PRKN: variants seen among roughly 807,000 people sequenced by gnomAD.
PRKN encodes the protein parkin RBR E3 ubiquitin protein ligase, also known as E3 ubiquitin-protein ligase parkin.
PRKN carries 56 observed loss-of-function variants against 59.5 expected under a neutral mutation model. The ratio of observed to expected loss-of-function variants is 0.94; its 90% CI spans 0.76 to 1.18. The LOEUF (loss-of-function observed/expected upper bound fraction) is 1.18. PRKN is among the 50% of genes most tolerant of loss of function. The pLI is 0.00. For synonymous variants in PRKN, 250 were observed against 222.1 expected (o/e 1.13, Z -1.12); for missense variants, 657 against 596.4 (o/e 1.10, Z -1.06).
At chr6:161,904,451 G>T (rs2128235780) in intron 6 of PRKN, among the ~76,000 whole-genome samples, 1 of 151,796 alleles carries the variant, frequency 6.6e-6, no homozygotes, top group South Asian at 2.1e-4. Context: ...GAGTAGCTGG[G>T]ACCACAGGCG....
chr6:162,339,388 G>T (rs1389498522), intron 2 of PRKN, among the ~76,000 whole-genome samples: 5 of 146,966 alleles, frequency 3.4e-5, no homozygotes, highest in Non-Finnish European at 6.1e-5. Context: ...GGAGGGAGGT[G>T]GGGGGGTCAG....
At chr6:162,243,792 T>C (rs991899800) in intron 3 of PRKN, among the ~76,000 whole-genome samples, 1 of 152,162 alleles carries the variant, frequency 6.6e-6, no homozygotes, top group Non-Finnish European at 1.5e-5. Flanking sequence ...AATTATTCAA[T>C]GCAAATTAGA....
intron 1 of PRKN, among the ~76,000 whole-genome samples, chr6:162,493,209 G>C (rs1271799905): frequency 6.6e-6 from 1 of 152,138 alleles, no homozygotes; most frequent in East Asian, 1.9e-4. Flanking sequence ...TTTATGTAGA[G>C]GAAGAGAGAG....
intron 7 of PRKN, among the ~76,000 whole-genome samples, chr6:161,770,847 G>T (rs764846089): frequency 6.6e-6 from 1 of 151,894 alleles, no homozygotes. Flanking sequence ...CTTAGAAGAC[G>T]AGGAGATGAG....
intron 7 of PRKN, among the ~76,000 whole-genome samples, chr6:161,711,211 T>A (rs573750879): frequency 6.6e-6 from 1 of 152,168 alleles, no homozygotes; most frequent in Non-Finnish European, 1.5e-5. Context: ...ACATTACAGG[T>A]CTGGTTCCTG....
chr6:161,524,764 A>T (rs1778957805), intron 9 of PRKN, among the ~76,000 whole-genome samples: 1 of 152,110 alleles, frequency 6.6e-6, no homozygotes, highest in Non-Finnish European at 1.5e-5. Context: ...TCTGCAAAGG[A>T]GTCTTGATGA....
At position 161,874,596 on chromosome 6, in the gene PRKN, G is replaced by A. The variant is rs1464657785; in HGVS notation, c.735-88688C>T. 1.3e-3 allele frequency among the ~76,000 whole-genome samples: 125 copies of A among 93,454 alleles called. 4 individuals carry two copies. Among genetic ancestry groups the A allele is most frequent in the African/African-American group, 6.4e-3 (120 of 18,734 alleles). The allele number at this position is 93,454 out of a possible 152,430, so 61.3% of individuals were successfully genotyped here. ...ATATTATGTAAAATATATATTGTATGTAAAATATATATTACATATAATATG... is the reference window on the plus strand; with the variant it reads ...ATATTATGTAAAATATATATTGTATATAAAATATATATTACATATAATATG... On this transcript the variant is annotated intron_variant, in intron 6 of 11. Coordinates refer to ENST00000366898, the MANE Select transcript of PRKN (RefSeq NM_004562.3).
chr6:162,048,924 A>G (rs1777504239), intron 5 of PRKN, among the ~76,000 whole-genome samples: 1 of 152,132 alleles, frequency 6.6e-6, no homozygotes. Context: ...TAACGGAGAA[A>G]ATCCTAATTG....
chr6:162,282,218 A>G (rs971157752), intron 2 of PRKN, among the ~76,000 whole-genome samples: 2 of 152,182 alleles, frequency 1.3e-5, no homozygotes, highest in Non-Finnish European at 2.9e-5. Flanking sequence ...TGGATGTTCT[A>G]ATTTACTATG....
At chr6:162,595,445 G>A (rs1055604879) in intron 1 of PRKN, among the ~76,000 whole-genome samples, 1 of 151,696 alleles carries the variant, frequency 6.6e-6, no homozygotes, top group Non-Finnish European at 1.5e-5. Context: ...TAGTAGAGAC[G>A]GGTTTTCTCC....
At chr6:162,288,294 T>G (rs1417312731) in intron 2 of PRKN, among the ~76,000 whole-genome samples, 1 of 152,154 alleles carries the variant, frequency 6.6e-6, no homozygotes, top group African/African-American at 2.4e-5. Flanking sequence ...AAGGTAGCTC[T>G]TGAGTGTCTC....
intron 7 of PRKN, among the ~76,000 whole-genome samples, chr6:161,570,312 A>G (rs1384831160): frequency 4.1e-5 from 6 of 146,996 alleles, no homozygotes; most frequent in African/African-American, 1.5e-4. Context: ...AGAATTATAT[A>G]ATTAATATAA....
intron 7 of PRKN, among the ~76,000 whole-genome samples, chr6:161,608,387 G>C (rs759392198): frequency 2.0e-5 from 3 of 152,184 alleles, no homozygotes; most frequent in Non-Finnish European, 4.4e-5. Context: ...GCTTTTAATA[G>C]AGGAGGTGTG....
chr6:162,411,610 G>T (rs969873229), intron 2 of PRKN, among the ~76,000 whole-genome samples: 3 of 152,042 alleles, frequency 2.0e-5, no homozygotes, highest in African/African-American at 7.2e-5. Flanking sequence ...TGTAAGAAAA[G>T]TTGTATAAAT....
At chr6:162,467,428 C>G (rs1429983598) in intron 1 of PRKN, among the ~76,000 whole-genome samples, 2 of 152,122 alleles carry the variant, frequency 1.3e-5, no homozygotes, top group Non-Finnish European at 2.9e-5. Context: ...CGCTCCTCAT[C>G]CAGCCTCCAC....
At chr6:161,569,256 G>C (rs895531082) in intron 8 of PRKN, 99 bp downstream of exon 8, 1 of 1,033,252 alleles carries the variant, frequency 9.7e-7, no homozygotes, top group Non-Finnish European at 1.5e-6. Context: ...GGGCACCCAG[G>C]GTCAGGAGAC....
intron 1 of PRKN, among the ~76,000 whole-genome samples, chr6:162,500,377 G>T (rs2128187691): frequency 6.6e-6 from 1 of 151,568 alleles, no homozygotes; most frequent in East Asian, 2.0e-4. Flanking sequence ...TTTACATGTT[G>T]GCCAGGCTGG....
At position 161,680,546 on chromosome 6, in the gene PRKN, G is replaced by T. The variant is rs1785278740; in HGVS notation, c.871+105226C>A. Among the ~76,000 whole-genome samples, 3 of 151,692 alleles carry T rather than the reference G, an allele frequency of 2.0e-5. No individual in the cohort carries two copies. In the South Asian group the frequency reaches 6.3e-4, roughly 32 times the overall value. ...AATGAGCATGCTGCTGAATGTTACA[G>T]TCAGTATTAAAATGGCATGTGCTAA... On this transcript the variant is annotated intron_variant, in intron 7 of 11. Coordinates refer to ENST00000366898, the MANE Select transcript of PRKN (RefSeq NM_004562.3).
At chr6:162,555,497 T>C (rs1196882007) in intron 1 of PRKN, among the ~76,000 whole-genome samples, 1 of 152,180 alleles carries the variant, frequency 6.6e-6, no homozygotes, top group Non-Finnish European at 1.5e-5. Context: ...TTCTATTGCT[T>C]TTCATCAGTA....
Sources: gnomAD v4.1 joint callset for allele counts (sites outside exome capture counted in the v4.1 genomes callset) on GRCh38, gnomAD v4.1.1 for gene constraint, MANE v1.5 for transcripts, NCBI Gene and HGNC (gene_info 2026-07-23, HGNC 2026-07-21) for gene names.